The following TAS2R4 variants were observed in gnomAD, a reference collection of about 807,000 sequenced individuals.
The protein encoded by TAS2R4 is taste 2 receptor member 4, also known as taste receptor type 2 member 4.
In TAS2R4, 18 loss-of-function variants were observed where a neutral mutation model predicts 14.3. The observed-to-expected ratio is 1.26, with a 90% CI of 0.87 to 1.86. TAS2R4 has a LOEUF of 1.86. Ranked by LOEUF, TAS2R4 falls within the 40% of genes most tolerant of loss-of-function variation. TAS2R4 has a pLI of 0.00. For synonymous variants in TAS2R4, 130 were observed against 138.5 expected (o/e 0.94, Z 0.43); for missense variants, 306 against 342.7 (o/e 0.89, Z 0.85).
At position 141,777,642 on chromosome 7, in the gene TAS2R4, A is replaced by G. The variant is rs1330574760; in HGVS notation, c.-847A>G. Among the ~76,000 whole-genome samples the G allele has an allele frequency of 6.6e-6, 1 of 152,216 alleles. No homozygotes were observed. Among genetic ancestry groups the G allele is most frequent in the Non-Finnish European group, 1.5e-5 (1 of 68,040 alleles). ...AATGCATTACTGTGTATCTCATTCCAGGGTACCTGGATTGACAGTTAAATG... is the reference window on the plus strand; with the variant it reads ...AATGCATTACTGTGTATCTCATTCCGGGGTACCTGGATTGACAGTTAAATG... On this transcript the variant is annotated 5_prime_UTR_variant, in exon 1 of 1. Transcript: ENST00000247881.
Position 141,777,034 on chromosome 7 carries a change from A to G in TAS2R4, c.-1455A>G, listed in dbSNP as rs1375910550. Among the ~76,000 whole-genome samples the G allele has an allele frequency of 6.6e-6, 1 of 152,074 alleles. No individual in the cohort carries two copies. The highest frequency in any genetic ancestry group is 1.5e-5 in the Non-Finnish European group (1 of 68,006). ...TATCTGTTATGGCTTACTCTATATC[A>G]TTTATTCTATTTAAATGTGATGTTA... On this transcript the variant is annotated 5_prime_UTR_variant, in exon 1 of 1. Coordinates refer to ENST00000247881, the MANE Select transcript of TAS2R4 (RefSeq NM_016944.2).
rs1416491771 is a variant in TAS2R4 at position 141,781,246 on chromosome 7, G to A, written c.*1858G>A. Reference sequence around the variant, plus strand: ...ATTGTCTATCTTGGACAATGCAGATGAGGTGAATGCTTGGGATAGTGAAGT... The same window carrying A: ...ATTGTCTATCTTGGACAATGCAGATAAGGTGAATGCTTGGGATAGTGAAGT... On this transcript the variant is annotated 3_prime_UTR_variant, in exon 1 of 1. Transcript: ENST00000247881. 6.6e-6 allele frequency among the ~76,000 whole-genome samples: 1 copy of A among 152,202 alleles called. No homozygotes were observed. Among genetic ancestry groups the A allele is most frequent in the African/African-American group, 2.4e-5 (1 of 41,446 alleles).
Position 141,776,853 on chromosome 7 carries a change from A to C in TAS2R4, c.-1636A>C, listed in dbSNP as rs1167276525. Among the ~76,000 whole-genome samples the C allele has an allele frequency of 6.6e-6, 1 of 152,162 alleles. No homozygotes were observed. The highest frequency in any genetic ancestry group is 1.9e-4 in the East Asian group (1 of 5,184). ...ACTGACCCTTGTGGAAATAACTTCT[A>C]ACTGAATGAGCTCATTCATTGATTG... On this transcript the variant is annotated 5_prime_UTR_variant, in exon 1 of 1. Coordinates refer to ENST00000247881, the MANE Select transcript of TAS2R4 (RefSeq NM_016944.2).
Position 141,780,667 on chromosome 7 carries a change from A to G in TAS2R4, c.*1279A>G, listed in dbSNP as rs1800310233. On this transcript the variant is annotated 3_prime_UTR_variant, in exon 1 of 1. Transcript: ENST00000247881. ...CTGGGACCATTGGACTGTGGCTCCAAAAGAACAACAGTCTGAAGATGGGAT... is the reference window on the plus strand; with the variant it reads ...CTGGGACCATTGGACTGTGGCTCCAGAAGAACAACAGTCTGAAGATGGGAT... 6.6e-6 allele frequency: 1 copy of G among 152,170 alleles called. No individual in the cohort carries two copies. The highest frequency in any genetic ancestry group is 6.5e-5 in the Admixed American group (1 of 15,282). 9.4% of individuals were successfully genotyped at this position (152,170 alleles called of 1,614,324 possible).
At position 141,781,265 on chromosome 7, in the gene TAS2R4, G is replaced by A. The variant is rs1295101821; in HGVS notation, c.*1877G>A. Among the ~76,000 whole-genome samples, 1 of 152,142 alleles carries A rather than the reference G, an allele frequency of 6.6e-6. No homozygotes were observed. Among genetic ancestry groups the A allele is most frequent in the Non-Finnish European group, 1.5e-5 (1 of 68,048 alleles). On this transcript the variant is annotated 3_prime_UTR_variant, in exon 1 of 1. Transcript: ENST00000247881. ...GCAGATGAGGTGAATGCTTGGGATA[G>A]TGAAGTAATTCTCCATCCTAGAGCT...
At position 141,779,409 on chromosome 7, in the gene TAS2R4, C is replaced by T. The variant is rs201974821; in HGVS notation, c.*21C>T. 12 of 1,560,386 alleles carry T rather than the reference C, an allele frequency of 7.7e-6. No individual in the cohort carries two copies. Among genetic ancestry groups the T allele is most frequent in the Admixed American group, 1.9e-5 (1 of 52,994 alleles). On this transcript the variant is annotated 3_prime_UTR_variant, in exon 1 of 1. Transcript: ENST00000247881. ...AATAGTGGAATTTCAGTAAACAATA[C>T]CTAGATTTACCTGATGGTTTGGGGG...
rs944242626 is a variant in TAS2R4, at chr7:141,778,337, G to A, written c.-152G>A. 1 of 644,936 alleles carries A rather than the reference G, an allele frequency of 1.6e-6. No homozygotes were observed. The highest frequency in any genetic ancestry group is 3.0e-5 in the Admixed American group (1 of 33,666). 40.0% of individuals were successfully genotyped at this position (644,936 alleles called of 1,614,324 possible). Reference sequence around the variant, plus strand: ...ATTTGCATCTCAGTAAAATCAGGTGGCCCTTGATCATGAATGGCTCATTTG... The same window carrying A: ...ATTTGCATCTCAGTAAAATCAGGTGACCCTTGATCATGAATGGCTCATTTG... On this transcript the variant is annotated 5_prime_UTR_variant, in exon 1 of 1. Coordinates refer to ENST00000247881, the MANE Select transcript of TAS2R4 (RefSeq NM_016944.2).
chr7:141,779,206 A>C lies in TAS2R4; in HGVS notation c.718A>C (p.Ile240Leu). Residue 240 changes from isoleucine (I) to leucine (L), a missense_variant, in exon 1 of 1, where the codon ATT becomes CTT. Physicochemically the swap from Ile to Leu is conservative, Grantham distance 5. Transcript: ENST00000247881. ...GATGGTCTATTTCCTCATCCTCTACATTCCATATTCAGTTGCTACCCTGGT... is the reference window on the plus strand; with the variant it reads ...GATGGTCTATTTCCTCATCCTCTACCTTCCATATTCAGTTGCTACCCTGGT... ...KLMVYFLILY[I>L]PYSVATLVQY... 5 of 1,614,078 alleles carry C rather than the reference A, an allele frequency of 3.1e-6. No homozygotes were observed. The highest frequency in any genetic ancestry group is 3.3e-4 in the Middle Eastern group (2 of 6,062).
rs186340129 is a variant in TAS2R4 at position 141,777,947 on chromosome 7, T to C, written c.-542T>C. ...AATCACTGAGGTTGAAAGAGTGGCA[T>C]TGGCATGGCCAATTGGTGAAACTTG... On this transcript the variant is annotated 5_prime_UTR_variant, in exon 1 of 1. Coordinates refer to ENST00000247881, the MANE Select transcript of TAS2R4 (RefSeq NM_016944.2). 2.0e-5 allele frequency among the ~76,000 whole-genome samples: 3 copies of C among 152,180 alleles called. No homozygotes were observed. The highest frequency in any genetic ancestry group is 7.2e-5 in the African/African-American group (3 of 41,542).
rs937974395 is a variant in TAS2R4 at position 141,778,878 on chromosome 7, C to G, written c.390C>G (p.Pro130=). ...LLKRNISPKI[P]RLLLACVLIS... is the part of the protein sequence containing the mutation. The stretch of plus-strand genomic sequence containing the variant: ...AGCGGAATATCTCCCCAAAGATCCC[C>G]AGGCTGCTGCTGGCCTGTGTGCTGA... Residue 130 remains proline, a synonymous_variant, in exon 1 of 1, where the codon CCC becomes CCG. Transcript: ENST00000247881. 6.2e-6 allele frequency: 10 copies of G among 1,614,192 alleles called. No homozygotes were observed. Among genetic ancestry groups the G allele is most frequent in the Non-Finnish European group, 8.5e-6 (10 of 1,180,030 alleles).
In TAS2R4 at chr7:141,777,208, T is replaced by A. The variant is rs1439770408; in HGVS notation, c.-1281T>A. Among the ~76,000 whole-genome samples the A allele has an allele frequency of 3.3e-5, 5 of 152,216 alleles. No individual in the cohort carries two copies. Among genetic ancestry groups the A allele is most frequent in the Non-Finnish European group, 5.9e-5 (4 of 68,034 alleles). ...TGGGCATGCCTCTATCAGTGCCTGT[T>A]AGTTTTGAATAAAAAGCTTCTGTAA... On this transcript the variant is annotated 5_prime_UTR_variant, in exon 1 of 1. It introduces an in-frame stop codon into an upstream open reading frame of the 5' UTR. Transcript: ENST00000247881.
In TAS2R4 at chr7:141,780,696, G is replaced by T. The variant is rs1343421655; in HGVS notation, c.*1308G>T. ...AACAACAGTCTGAAGATGGGATGTT[G>T]ACAAGTTTTGGAATGTCAATTGGGG... On this transcript the variant is annotated 3_prime_UTR_variant, in exon 1 of 1. Coordinates refer to ENST00000247881, the MANE Select transcript of TAS2R4 (RefSeq NM_016944.2). 1 of 152,142 alleles carries T rather than the reference G, an allele frequency of 6.6e-6. No homozygotes were observed. Among genetic ancestry groups the T allele is most frequent in the Non-Finnish European group, 1.5e-5 (1 of 68,010 alleles). 9.4% of individuals were successfully genotyped at this position (152,142 alleles called of 1,614,324 possible). A position where few individuals can be genotyped will look rare whatever the true frequency, so the allele number is the denominator to read the frequency against.
Position 141,779,614 on chromosome 7 carries a change from T to C in TAS2R4, c.*226T>C. ...TAAGAAACTTTTTTGAGGCATTATT[T>C]GTCATGTATTTTGCATGGCCATTGA... is the stretch of plus-strand genomic sequence containing the variant. On this transcript the variant is annotated 3_prime_UTR_variant, in exon 1 of 1. Coordinates refer to ENST00000247881, the MANE Select transcript of TAS2R4 (RefSeq NM_016944.2). 1 of 466,770 alleles carries C rather than the reference T, an allele frequency of 2.1e-6. No individual in the cohort carries two copies. The highest frequency in any genetic ancestry group is 3.8e-6 in the Non-Finnish European group (1 of 266,592). 28.9% of individuals were successfully genotyped at this position (466,770 alleles called of 1,614,324 possible). A position where few individuals can be genotyped will look rare whatever the true frequency, so the allele number is the denominator to read the frequency against.
rs1277003574 is a variant in TAS2R4, at chr7:141,778,700, C to G, written c.212C>G (p.Ser71Cys). ...CTGGTGAACACCATCTACTTCGTCTCTTCAAATACGGAAAGGTCAGTCTAC... is the reference window on the plus strand; with the variant it reads ...CTGGTGAACACCATCTACTTCGTCTGTTCAAATACGGAAAGGTCAGTCTAC... ...LFLVNTIYFV[S>C]SNTERSVYLS... Residue 71 changes from serine (S) to cysteine (C), a missense_variant, in exon 1 of 1, where the codon TCT becomes TGT. By Grantham distance (112) the Ser-to-Cys change is moderately radical (BLOSUM62 -1). Coordinates refer to ENST00000247881, the MANE Select transcript of TAS2R4 (RefSeq NM_016944.2). The G allele has an allele frequency of 6.2e-7, 1 of 1,614,212 alleles. No homozygotes were observed. The highest frequency in any genetic ancestry group is 1.7e-5 in the Admixed American group (1 of 60,028).
Position 141,779,050 on chromosome 7 carries a change from C to T in TAS2R4, c.562C>T (p.Gln188Ter), listed in dbSNP as rs773977578. Residue 188 changes from glutamine (Q) to a stop codon, truncating the protein, a stop_gained, in exon 1 of 1, where the codon CAG becomes TAG. Coordinates refer to ENST00000247881, the MANE Select transcript of TAS2R4 (RefSeq NM_016944.2). LOFTEE classifies it high-confidence loss of function. ...VVSLVLSSSL[Q>*]FIINVTSASL... ...TTCTTTGGTCTTGAGCTCATCTCTC[C>T]AGTTCATCATTAATGTGACTTCTGC... 2 of 1,614,194 alleles carry T rather than the reference C, an allele frequency of 1.2e-6. No individual in the cohort carries two copies. The highest frequency in any genetic ancestry group is 1.7e-6 in the Non-Finnish European group (2 of 1,180,034).
chr7:141,779,457 T>C lies in TAS2R4; in HGVS notation c.*69T>C. The C allele has an allele frequency of 2.8e-6, 4 of 1,438,386 alleles. No homozygotes were observed. The highest frequency in any genetic ancestry group is 3.7e-6 in the Non-Finnish European group (4 of 1,072,768). 89.1% of individuals were successfully genotyped at this position (1,438,386 alleles called of 1,614,324 possible). On this transcript the variant is annotated 3_prime_UTR_variant, in exon 1 of 1. Coordinates refer to ENST00000247881, the MANE Select transcript of TAS2R4 (RefSeq NM_016944.2). ...GGGCAAGATTTTCTGTTTGCAGTTTTCCCAGTGATCTGGGGAATTCAGTTT... is the reference window on the plus strand; with the variant it reads ...GGGCAAGATTTTCTGTTTGCAGTTTCCCCAGTGATCTGGGGAATTCAGTTT...
Position 141,781,660 on chromosome 7 carries a change from G to C in TAS2R4, c.*2272G>C, listed in dbSNP as rs1159607084. Among the ~76,000 whole-genome samples the C allele has an allele frequency of 6.6e-6, 1 of 151,972 alleles. No individual in the cohort carries two copies. ...TGTAAACAGTAATTATTTTAGGTGG[G>C]AGGAATCAATAAATTTTTTTGTGTA... is the stretch of plus-strand genomic sequence containing the variant. On this transcript the variant is annotated 3_prime_UTR_variant, in exon 1 of 1. Transcript: ENST00000247881.
In TAS2R4 at chr7:141,778,445, C is replaced by T; in HGVS notation, c.-44C>T. The T allele has an allele frequency of 1.3e-6, 2 of 1,543,546 alleles. No individual in the cohort carries two copies. The highest frequency in any genetic ancestry group is 2.3e-5 in the East Asian group (1 of 44,378). On this transcript the variant is annotated 5_prime_UTR_variant, in exon 1 of 1. Coordinates refer to ENST00000247881, the MANE Select transcript of TAS2R4 (RefSeq NM_016944.2). ...TTATACATTTTGGTATTTCTTCTGC[C>T]TCCACTATCAGCACCACAACTGCTG...
chr7:141,779,452 A>G lies in TAS2R4; in HGVS notation c.*64A>G. The G allele has an allele frequency of 1.1e-5, 16 of 1,458,782 alleles. No homozygotes were observed. The highest frequency in any genetic ancestry group is 1.5e-5 in the Non-Finnish European group (16 of 1,089,056). The allele number at this position is 1,458,782 out of a possible 1,614,324, so 90.4% of individuals were successfully genotyped here. ...TTTGGGGGCAAGATTTTCTGTTTGCAGTTTTCCCAGTGATCTGGGGAATTC... is the reference window on the plus strand; with the variant it reads ...TTTGGGGGCAAGATTTTCTGTTTGCGGTTTTCCCAGTGATCTGGGGAATTC... On this transcript the variant is annotated 3_prime_UTR_variant, in exon 1 of 1. Transcript: ENST00000247881.
Sources: allele counts gnomAD v4.1 joint callset (sites outside exome capture counted in the v4.1 genomes callset), GRCh38; gene constraint gnomAD v4.1.1; transcripts MANE v1.5; gene names NCBI Gene and HGNC (gene_info 2026-07-23, HGNC 2026-07-21).